The following NFIA variants were observed in gnomAD, a reference collection of about 807,000 sequenced individuals.
NFIA encodes the protein nuclear factor 1 A-type.
In NFIA, 8 loss-of-function variants were observed where a neutral mutation model predicts 62.8. The ratio of observed to expected loss-of-function variants is 0.13; its 90% CI spans 0.07 to 0.23. The LOEUF is 0.23. Ranked by LOEUF, NFIA falls within the 10% of genes least tolerant of loss-of-function variation. NFIA has a pLI of 1.00. For synonymous variants in NFIA, 235 were observed against 238.1 expected (o/e 0.99, Z 0.12); for missense variants, 410 against 642.1 (o/e 0.64, Z 3.91).
intron 6 of NFIA, among the ~76,000 whole-genome samples, chr1:61,374,046 A>T (rs556240342): frequency 6.6e-6 from 1 of 152,248 alleles, no homozygotes; most frequent in East Asian, 1.9e-4. Context: ...TTTTAAATTC[A>T]TTTAATTTTA....
intron 10 of NFIA, among the ~76,000 whole-genome samples, chr1:61,454,072 A>C: frequency 6.6e-6 from 1 of 152,188 alleles, no homozygotes; most frequent in East Asian, 1.9e-4. Flanking sequence ...CTGGGGACCA[A>C]ATGAGTCCTT....
chr1:61,151,345 G>A (rs902809266), intron 2 of NFIA, among the ~76,000 whole-genome samples: 1 of 150,470 alleles, frequency 6.6e-6, no homozygotes, highest in African/African-American at 2.4e-5. Flanking sequence ...AAGTAGCTGG[G>A]ACTACAGGCT....
chr1:61,399,386 G>A (rs1665441806), intron 7 of NFIA, among the ~76,000 whole-genome samples: 1 of 152,142 alleles, frequency 6.6e-6, no homozygotes, highest in South Asian at 2.1e-4. Flanking sequence ...CTTTTCTTTG[G>A]AGCCTCCCAT....
chr1:61,192,117 C>G (rs1389069586), intron 2 of NFIA, among the ~76,000 whole-genome samples: 2 of 152,034 alleles, frequency 1.3e-5, no homozygotes, highest in African/African-American at 4.8e-5. Flanking sequence ...TGACACCACA[C>G]CTGGCTAATT....
upstream of NFIA, chr1:61,077,761 G>A (rs1053386646): frequency 3.2e-5 from 17 of 538,214 alleles, no homozygotes; most frequent in South Asian, 3.0e-4. Flanking sequence ...GTGATTGCTG[G>A]GTAAATGTCT....
chr1:61,082,917 C>T, intron 1 of NFIA, 99 bp downstream of exon 1: 2 of 1,103,312 alleles, frequency 1.8e-6, no homozygotes, highest in East Asian at 6.3e-5. Context: ...CCGGCCGGGC[C>T]CAGGGCGTGC....
chr1:61,309,319 A>G (rs982954060), intron 3 of NFIA, among the ~76,000 whole-genome samples: 1 of 152,068 alleles, frequency 6.6e-6, no homozygotes, highest in Non-Finnish European at 1.5e-5. Flanking sequence ...GTTATCTTTA[A>G]TTTGGGGCCA....
At chr1:61,285,850 T>A (rs1301307156) in intron 3 of NFIA, among the ~76,000 whole-genome samples, 1 of 152,062 alleles carries the variant, frequency 6.6e-6, no homozygotes, top group Non-Finnish European at 1.5e-5. Flanking sequence ...CTCGGCAAAA[T>A]AGGAATAGCT....
At chr1:61,338,440 A>G (rs567465143) in intron 4 of NFIA, among the ~76,000 whole-genome samples, 1 of 152,336 alleles carries the variant, frequency 6.6e-6, no homozygotes, top group African/African-American at 2.4e-5. Flanking sequence ...CGCTCTTTCT[A>G]TATTTTCACA....
chr1:61,428,786 G>A (rs1029603684), intron 10 of NFIA, among the ~76,000 whole-genome samples: 15 of 152,030 alleles, frequency 9.9e-5, no homozygotes, highest in African/African-American at 2.7e-4. Flanking sequence ...GAACATGGTC[G>A]GCAGATTTCC....
intron 3 of NFIA, among the ~76,000 whole-genome samples, chr1:61,283,189 T>A (rs953030349): frequency 2.0e-5 from 3 of 152,224 alleles, no homozygotes; most frequent in Non-Finnish European, 2.9e-5. Flanking sequence ...CATCCGTAAT[T>A]GTTGCTATTT....
intron 3 of NFIA, among the ~76,000 whole-genome samples, chr1:61,318,111 G>A (rs968650867): frequency 6.6e-6 from 1 of 151,916 alleles, no homozygotes; most frequent in African/African-American, 2.4e-5. Flanking sequence ...AATTCACCCC[G>A]ATTCATATTT....
intron 2 of NFIA, among the ~76,000 whole-genome samples, chr1:61,185,577 T>C (rs1342252125): frequency 6.6e-6 from 1 of 152,100 alleles, no homozygotes; most frequent in Admixed American, 6.6e-5. Flanking sequence ...CTTGTTGCAT[T>C]GGCCTGCAAA....
At chr1:61,274,831 C>T (rs1450440727) in intron 2 of NFIA, among the ~76,000 whole-genome samples, 1 of 152,206 alleles carries the variant, frequency 6.6e-6, no homozygotes, top group Non-Finnish European at 1.5e-5. Flanking sequence ...TTAACAGCAT[C>T]AGTGACCTTT....
chr1:61,293,792 T>C (rs539977700), intron 3 of NFIA, among the ~76,000 whole-genome samples: 1 of 152,350 alleles, frequency 6.6e-6, no homozygotes, highest in South Asian at 2.1e-4. Flanking sequence ...ATAGAATAGT[T>C]AAGAGCCAGA....
intron 2 of NFIA, among the ~76,000 whole-genome samples, chr1:61,096,803 G>A (rs770621871): frequency 6.6e-5 from 10 of 151,512 alleles, no homozygotes; most frequent in Admixed American, 2.6e-4. Flanking sequence ...TGCCCACCTC[G>A]GCCTCTCAAA....
chr1:61,335,638 T>C (rs1661563692), intron 4 of NFIA, among the ~76,000 whole-genome samples: 1 of 151,844 alleles, frequency 6.6e-6, no homozygotes, highest in Admixed American at 6.6e-5. Context: ...AGGTTGGGAG[T>C]TCGAGACCAG....
At chr1:61,188,092 G>T (rs1363955170) in intron 2 of NFIA, among the ~76,000 whole-genome samples, 1 of 152,090 alleles carries the variant, frequency 6.6e-6, no homozygotes, top group African/African-American at 2.4e-5. Context: ...CTGTCACCCA[G>T]GCTGGAGTGT....
At chr1:61,410,461 A>T (rs943077783) in intron 9 of NFIA, among the ~76,000 whole-genome samples, 2 of 152,222 alleles carry the variant, frequency 1.3e-5, no homozygotes, top group African/African-American at 2.4e-5. Flanking sequence ...AAGGAGCATC[A>T]TGACAGGGTA....
Sources: allele counts gnomAD v4.1 joint callset (sites outside exome capture counted in the v4.1 genomes callset), GRCh38; gene constraint gnomAD v4.1.1; transcripts MANE v1.5; gene names NCBI Gene and HGNC (gene_info 2026-07-23, HGNC 2026-07-21).